The following TUBGCP3 variants were observed in gnomAD, a reference collection of about 807,000 sequenced individuals.
TUBGCP3 encodes the protein tubulin gamma complex component 3, also known as gamma-tubulin complex component 3.
Under a neutral mutation model 123.1 loss-of-function variants are expected in TUBGCP3, and 50 were observed. That is an observed-to-expected ratio of 0.41 (90% CI 0.32 to 0.51). TUBGCP3 has a LOEUF of 0.51. Ranked by LOEUF, TUBGCP3 falls within the 20% of genes least tolerant of loss-of-function variation. TUBGCP3 has a pLI of 0.36. For synonymous variants in TUBGCP3, 405 were observed against 413.9 expected (o/e 0.98, Z 0.26); for missense variants, 882 against 1,127.0 (o/e 0.78, Z 3.11).
intron 11 of TUBGCP3, among the ~76,000 whole-genome samples, chr13:112,536,938 A>G (rs1878103943): frequency 1.3e-5 from 2 of 151,742 alleles, no homozygotes; most frequent in Admixed American, 1.3e-4. Context: ...CACCTGGCTC[A>G]TTTTTTCTTA....
intron 21 of TUBGCP3, among the ~76,000 whole-genome samples, chr13:112,488,255 T>C (rs186947485): frequency 1.3e-5 from 2 of 151,460 alleles, no homozygotes; most frequent in East Asian, 3.9e-4. Flanking sequence ...AAACCCACGA[T>C]GTTGGAGGGC....
intron 17 of TUBGCP3, among the ~76,000 whole-genome samples, chr13:112,505,819 G>A (rs1483017507): frequency 2.6e-5 from 4 of 152,170 alleles, no homozygotes; most frequent in Non-Finnish European, 4.4e-5. Context: ...AGGCAGCATC[G>A]CCATCCGACC....
chr13:112,570,030 A>G (rs1881277946), intron 1 of TUBGCP3, among the ~76,000 whole-genome samples: 1 of 152,172 alleles, frequency 6.6e-6, no homozygotes, highest in African/African-American at 2.4e-5. Flanking sequence ...CTCAGGATGC[A>G]GAAGCAAGCA....
At chr13:112,528,319 T>C (rs1877300609) in intron 11 of TUBGCP3, among the ~76,000 whole-genome samples, 1 of 152,258 alleles carries the variant, frequency 6.6e-6, no homozygotes. Context: ...TTAGTTTTTA[T>C]AGACAATGCC....
At chr13:112,546,131 G>A in intron 10 of TUBGCP3, 1 of 372,660 alleles carries the variant, frequency 2.7e-6, no homozygotes, top group African/African-American at 2.0e-5. Context: ...GAAACAAAAA[G>A]TAGCAAAAAA....
At chr13:112,521,774 C>T (rs976942786) in intron 14 of TUBGCP3, 15 of 985,192 alleles carry the variant, frequency 1.5e-5, no homozygotes, top group South Asian at 4.7e-5. Context: ...CCCAGGCTCA[C>T]GCTGCCTGGG....
At position 112,563,123 on chromosome 13, in the gene TUBGCP3, T is replaced by G. The variant is rs542170374; in HGVS notation, c.252+1988A>C. Among the ~76,000 whole-genome samples the G allele has an allele frequency of 2.0e-5, 3 of 152,280 alleles. No individual in the cohort carries two copies. In the South Asian group the frequency reaches 6.2e-4, roughly 32 times the overall value. On this transcript the variant is annotated intron_variant, in intron 3 of 21. Coordinates refer to ENST00000261965, the MANE Select transcript of TUBGCP3 (RefSeq NM_006322.6). ...ACCCAGCTCAGGAACAGCACAGCAC[T>G]CTACTCCCGTCTCCACGTCAACCTG...
chr13:112,544,880 T>C (rs1488428115), intron 11 of TUBGCP3: 1 of 152,240 alleles, frequency 6.6e-6, no homozygotes, highest in Non-Finnish European at 1.5e-5. Flanking sequence ...TTGAATGTAA[T>C]ACAAACCTCA....
At chr13:112,556,996 TG>T (rs1194380585) in intron 5 of TUBGCP3, among the ~76,000 whole-genome samples, 1 of 151,840 alleles carries the variant, frequency 6.6e-6, no homozygotes, top group Non-Finnish European at 1.5e-5. Context: ...GGTGCAATAC[TG>T]GGGGGGTTTA....
At chr13:112,503,523 C>T (rs1364272558) in intron 19 of TUBGCP3, among the ~76,000 whole-genome samples, 1 of 152,114 alleles carries the variant, frequency 6.6e-6, no homozygotes, top group Non-Finnish European at 1.5e-5. Flanking sequence ...GCACACACCA[C>T]CACGACCGGC....
chr13:112,509,236 T>G (rs1370778803), intron 17 of TUBGCP3, among the ~76,000 whole-genome samples: 1 of 152,208 alleles, frequency 6.6e-6, no homozygotes, highest in Admixed American at 6.5e-5. Flanking sequence ...CCCATGCCAC[T>G]TGGATTTTCC....
chr13:112,586,669 C>T (rs1241943111), intron 1 of TUBGCP3, among the ~76,000 whole-genome samples: 2 of 152,090 alleles, frequency 1.3e-5, no homozygotes, highest in Non-Finnish European at 2.9e-5. Flanking sequence ...CCTACTTTTT[C>T]GCCACAGTAC....
chr13:112,510,088 C>A (rs940669921), intron 17 of TUBGCP3, among the ~76,000 whole-genome samples: 1 of 152,120 alleles, frequency 6.6e-6, no homozygotes, highest in South Asian at 2.1e-4. Flanking sequence ...GCAGGGCCGA[C>A]GCCACACTGG....
the TUBGCP3 span, among the ~76,000 whole-genome samples, chr13:112,594,152 TC>T: frequency 6.6e-6 from 1 of 152,096 alleles, no homozygotes; most frequent in Non-Finnish European, 1.5e-5. Context: ...AAATAACACT[TC>T]CCAAATATTT....
intron 11 of TUBGCP3, among the ~76,000 whole-genome samples, chr13:112,544,376 A>C (rs972972813): frequency 2.3e-4 from 34 of 145,826 alleles, no homozygotes; most frequent in Admixed American, 7.1e-5. Flanking sequence ...TGGCGTGAAC[A>C]TGGGAGGCAG....
intron 8 of TUBGCP3, among the ~76,000 whole-genome samples, chr13:112,552,424 G>C (rs9604358): frequency 6.6e-6 from 1 of 152,128 alleles, no homozygotes; most frequent in Non-Finnish European, 1.5e-5. Context: ...TACCTGCCTC[G>C]AGAAAGAGCC....
Position 112,520,036 on chromosome 13 carries a change from T to A in TUBGCP3, c.1746-15A>T, listed in dbSNP as rs28534509. The A allele has an allele frequency of 2.5e-6, 4 of 1,600,790 alleles. No homozygotes were observed. Among genetic ancestry groups the A allele is most frequent in the African/African-American group, 1.3e-5 (1 of 74,286 alleles). Reference sequence around the variant, plus strand: ...CAAGTTCTGGTCTTAACAAATTTTTTAAAAATTAAAGAAAATATTACTTCA... The same window carrying A: ...CAAGTTCTGGTCTTAACAAATTTTTAAAAAATTAAAGAAAATATTACTTCA... On this transcript the variant is annotated splice_polypyrimidine_tract_variant and intron_variant, in intron 14 of 21. Transcript: ENST00000261965.
At chr13:112,512,427 CAAA>C (rs35550857) in intron 17 of TUBGCP3, among the ~76,000 whole-genome samples, 3 of 39,454 alleles carry the variant, frequency 7.6e-5, no homozygotes, top group African/African-American at 1.9e-4. Flanking sequence ...GACTCTGTCT[CAAA>C]AAAAAAAAAA....
chr13:112,495,221 TTTTGA>T (rs1328114746), intron 20 of TUBGCP3, among the ~76,000 whole-genome samples: 1 of 152,234 alleles, frequency 6.6e-6, no homozygotes, highest in South Asian at 2.1e-4. Flanking sequence ...CTTTAATCCA[TTTTGA>T]TTTGATTTTT....
Sources: gnomAD v4.1 joint callset for allele counts (sites outside exome capture counted in the v4.1 genomes callset) on GRCh38, gnomAD v4.1.1 for gene constraint, MANE v1.5 for transcripts, NCBI Gene and HGNC (gene_info 2026-07-23, HGNC 2026-07-21) for gene names.